The following MAJIN variants were observed in gnomAD, a reference collection of about 807,000 sequenced individuals.
MAJIN encodes membrane-anchored junction protein.
MAJIN carries 27 observed loss-of-function variants against 30.2 expected under a neutral mutation model. The observed-to-expected ratio is 0.89, with a 90% CI of 0.66 to 1.23. The LOEUF is 1.23. Among genes scored for constraint, MAJIN ranks in the 50% most tolerant of loss-of-function variants. The probability of loss-of-function intolerance (pLI) is 0.00; values close to 1 mark genes in which losing one functional copy is unlikely to be tolerated. For missense variants in MAJIN, 253 were observed against 260.3 expected, an observed-to-expected ratio of 0.97 and a Z score of 0.19; for synonymous variants, 78 against 91.6, an observed-to-expected ratio of 0.85 and a Z score of 0.85.
chr11:64,956,372 C>T (rs1565136265), intron 3 of MAJIN, among the ~76,000 whole-genome samples: 4 of 151,888 alleles, frequency 2.6e-5, no homozygotes, highest in Admixed American at 2.0e-4. Flanking sequence ...GCCTGTAATT[C>T]CAGTTACTTG....
intron 1 of MAJIN, among the ~76,000 whole-genome samples, chr11:64,966,145 G>GAAAAAAAAAAAAAGA (rs1945804969): frequency 1.8e-5 from 1 of 57,100 alleles, no homozygotes; most frequent in Non-Finnish European, 3.0e-5. Flanking sequence ...GATTAAAAAT[G>GAAAAAAAAAAAAAGA]AAAAAAAAAA....
At chr11:64,947,327 A>G (rs201309929) in intron 8 of MAJIN, 47 bp downstream of exon 8, 1 of 1,517,296 alleles carries the variant, frequency 6.6e-7, no homozygotes, top group East Asian at 2.3e-5. Context: ...TAGCTGGCAA[A>G]GCCTAACTAG....
intron 8 of MAJIN, chr11:64,946,287 G>A (rs1272863972): frequency 1.0e-6 from 1 of 997,466 alleles, no homozygotes; most frequent in African/African-American, 1.7e-5. Flanking sequence ...AGAATAAATT[G>A]GGTGGCCAAA....
intron 1 of MAJIN, among the ~76,000 whole-genome samples, chr11:64,971,093 G>C (rs114250534): frequency 6.6e-6 from 1 of 151,916 alleles, no homozygotes; most frequent in South Asian, 2.1e-4. Context: ...TCAGGAGTTC[G>C]AGATCAGTCT....
intron 6 of MAJIN, among the ~76,000 whole-genome samples, chr11:64,948,062 C>T (rs576392593): frequency 6.5e-4 from 99 of 151,816 alleles, no homozygotes; most frequent in African/African-American, 2.2e-3. Context: ...GGTTTCACCA[C>T]GTTGGCCAGG....
intron 1 of MAJIN, among the ~76,000 whole-genome samples, chr11:64,971,635 C>G (rs555165179): frequency 9.3e-4 from 142 of 152,102 alleles, no homozygotes; most frequent in Middle Eastern, 3.4e-3. Flanking sequence ...CGCACGCTCC[C>G]GGCCTGCGAC....
Position 64,959,426 on chromosome 11 carries a change from A to G in MAJIN, c.-17-4T>C, listed in dbSNP as rs748223232. 1 of 1,590,108 alleles carries G rather than the reference A, an allele frequency of 6.3e-7. No individual in the cohort carries two copies. On this transcript the variant is annotated splice_polypyrimidine_tract_variant and splice_region_variant and intron_variant, in intron 2 of 10. Coordinates refer to ENST00000301896, the MANE Select transcript of MAJIN (RefSeq NM_001037225.3). ...CTCATTGCTCCCAAACGATAGCCTA[A>G]ATAAAATAGAAAGAGAATTACTAAA...
chr11:64,956,771 T>TG (rs1455572449), intron 3 of MAJIN, among the ~76,000 whole-genome samples: 13 of 147,266 alleles, frequency 8.8e-5, no homozygotes, highest in Non-Finnish European at 1.3e-4. Flanking sequence ...CTGTTTTTTT[T>TG]TTTTTTTTTT....
At chr11:64,956,276 G>T (rs1945630065) in intron 3 of MAJIN, among the ~76,000 whole-genome samples, 1 of 151,940 alleles carries the variant, frequency 6.6e-6, no homozygotes, top group Non-Finnish European at 1.5e-5. Flanking sequence ...TCCAGCCCGG[G>T]CAACAAGAAT....
intron 1 of MAJIN, among the ~76,000 whole-genome samples, 176 bp from the exon 2 acceptor site, chr11:64,960,311 T>C (rs1025677422): frequency 6.6e-6 from 1 of 152,168 alleles, no homozygotes; most frequent in Non-Finnish European, 1.5e-5. Flanking sequence ...ATAAAGAGAA[T>C]CTGAGTTTGA....
At chr11:64,950,194 G>A (rs577601301) in intron 5 of MAJIN, among the ~76,000 whole-genome samples, 161 bp downstream of exon 5, 4 of 152,056 alleles carry the variant, frequency 2.6e-5, no homozygotes, top group African/African-American at 9.7e-5. Context: ...GCCGGGTGTG[G>A]TGGCATGTGC....
chr11:64,947,856 G>C, intron 6 of MAJIN, 37 bp from the exon 7 acceptor site: 55 of 1,276,180 alleles, frequency 4.3e-5, no homozygotes, highest in Non-Finnish European at 5.1e-5. Context: ...ATAGATTTAA[G>C]ACTTTTTTTT....
intron 4 of MAJIN, among the ~76,000 whole-genome samples, chr11:64,951,629 G>T (rs1053599752): frequency 2.6e-5 from 4 of 152,160 alleles, no homozygotes; most frequent in Admixed American, 2.6e-4. Context: ...GTTGGGTGTG[G>T]TGGCACACGC....
intron 4 of MAJIN, among the ~76,000 whole-genome samples, chr11:64,952,290 C>T (rs570955225): frequency 4.6e-5 from 7 of 152,088 alleles, no homozygotes; most frequent in South Asian, 2.1e-4. Flanking sequence ...AGGGTTCAAG[C>T]GATTCTCCTG....
At chr11:64,955,768 T>G (rs1945620558) in intron 3 of MAJIN, among the ~76,000 whole-genome samples, 1 of 152,236 alleles carries the variant, frequency 6.6e-6, no homozygotes, top group South Asian at 2.1e-4. Context: ...TAACAAATAT[T>G]TTTCGATACT....
chr11:64,944,930 G>A (rs1170814623), intron 8 of MAJIN, among the ~76,000 whole-genome samples: 1 of 152,196 alleles, frequency 6.6e-6, no homozygotes, highest in African/African-American at 2.4e-5. Context: ...AGGGGTATCA[G>A]ATATATGAAT....
At chr11:64,965,038 GT>G (rs1379168537) in intron 1 of MAJIN, among the ~76,000 whole-genome samples, 2 of 152,110 alleles carry the variant, frequency 1.3e-5, no homozygotes, top group Non-Finnish European at 2.9e-5. Flanking sequence ...ATGTATAATT[GT>G]TTTTTCTAGT....
rs560505861 is a variant in MAJIN at position 64,961,718 on chromosome 11, C to T, written c.-64-1583G>A. On this transcript the variant is annotated intron_variant, in intron 1 of 10. Transcript: ENST00000301896. ...GTCTCGATCTCCTGGCCTTGTGATC[C>T]GCCCGCCTCGGCCTCCCAAAGTGCT... is the stretch of plus-strand genomic sequence containing the variant. Among the ~76,000 whole-genome samples, 751 of 144,812 alleles carry T rather than the reference C, an allele frequency of 5.2e-3. 4 individuals are homozygous for T. Among genetic ancestry groups the T allele is most frequent in the African/African-American group, 0.017 (678 of 38,978 alleles).
rs772822310 is a variant in MAJIN at position 64,959,417 on chromosome 11, G to A, written c.-12C>T. 5.6e-6 allele frequency: 9 copies of A among 1,601,400 alleles called. No individual in the cohort carries two copies. In the Admixed American group the frequency reaches 1.2e-4, roughly 21 times the overall value. Reference sequence around the variant, plus strand: ...GGTTTTAAACTCATTGCTCCCAAACGATAGCCTAAATAAAATAGAAAGAGA... The same window carrying A: ...GGTTTTAAACTCATTGCTCCCAAACAATAGCCTAAATAAAATAGAAAGAGA... On this transcript the variant is annotated 5_prime_UTR_variant, in exon 3 of 11. Transcript: ENST00000301896.
Sources: gnomAD v4.1 joint callset for allele counts (sites outside exome capture counted in the v4.1 genomes callset) on GRCh38, gnomAD v4.1.1 for gene constraint, MANE v1.5 for transcripts, NCBI Gene and HGNC (gene_info 2026-07-23, HGNC 2026-07-21) for gene names.